GALNS: variants seen among roughly 807,000 people sequenced by gnomAD.
GALNS encodes the protein N-acetylgalactosamine-6-sulfatase.
GALNS carries 65 observed loss-of-function variants against 65.9 expected under a neutral mutation model. That is an observed-to-expected ratio of 0.99 (90% CI 0.81 to 1.21). The LOEUF (loss-of-function observed/expected upper bound fraction) is 1.21. Ranked by LOEUF, GALNS falls within the 50% of genes most tolerant of loss-of-function variation. The probability of loss-of-function intolerance (pLI) is 0.00; values close to 1 mark genes in which losing one functional copy is unlikely to be tolerated. For missense variants in GALNS, 776 were observed against 700.7 expected (o/e 1.11, Z -1.21); for synonymous variants, 346 against 288.9 (o/e 1.20, Z -2.00).
chr16:88,848,872 C>G (rs779692517), intron 1 of GALNS, among the ~76,000 whole-genome samples: 3 of 152,236 alleles, frequency 2.0e-5, no homozygotes, highest in Non-Finnish European at 4.4e-5. Context: ...GCTGGACATC[C>G]AGGTCTGCGT....
chr16:88,832,036 C>T lies in GALNS; in HGVS notation c.964G>A (p.Ala322Thr). 6.2e-7 allele frequency: 1 copy of T among 1,613,830 alleles called. No homozygotes were observed. Among genetic ancestry groups the T allele is most frequent in the Non-Finnish European group, 8.5e-7 (1 of 1,179,898 alleles). The change falls in exon 9 of 14, where the codon GCC becomes ACC. Residue 322 changes from alanine to threonine, a missense_variant. Transcript: ENST00000268695. ...ACGTGCCCTGGCCACCATGCGAGGG[C>T]AGGCTCCCTCATCCCTCCTTCAAAC... ...TTFEGGMREP[A>T]LAWWPGHVTA...
chr16:88,855,662 A>T, intron 1 of GALNS: 1 of 599,558 alleles, frequency 1.7e-6, no homozygotes, highest in Middle Eastern at 4.4e-4. Context: ...AATTTAATAA[A>T]ATTGTTAAGT....
rs764715719 is a variant in GALNS at position 88,837,728 on chromosome 16, G to T, written c.460C>A (p.His154Asn). Residue 154 changes from histidine (H) to asparagine (N), a missense_variant, in exon 5 of 14, where the codon CAC becomes AAC. Transcript: ENST00000268695. ...GATCCAAACCACTCATCAAATCCGT[G>T]CTTCAGGGGGTGGAACTGGGGCCTG... Reference protein sequence around the residue: ...GHRPQFHPLKHGFDEWFGSPN... With the variant: ...GHRPQFHPLKNGFDEWFGSPN... 1 of 1,613,898 alleles carries T rather than the reference G, an allele frequency of 6.2e-7. No homozygotes were observed. The highest frequency in any genetic ancestry group is 8.5e-7 in the Non-Finnish European group (1 of 1,180,020).
At chr16:88,830,750 C>T (rs1401699722) in intron 9 of GALNS, among the ~76,000 whole-genome samples, 1 of 152,156 alleles carries the variant, frequency 6.6e-6, no homozygotes, top group Non-Finnish European at 1.5e-5. Context: ...GGCGCACCCT[C>T]GCCCAGCCAG....
At chr16:88,821,059 C>T (rs1479138039) in intron 12 of GALNS, among the ~76,000 whole-genome samples, 1 of 152,230 alleles carries the variant, frequency 6.6e-6, no homozygotes, top group Admixed American at 6.5e-5. Context: ...GTCTCACCCC[C>T]ATGGGTGATC....
At chr16:88,849,244 A>G (rs1466298453) in intron 1 of GALNS, among the ~76,000 whole-genome samples, 1 of 152,128 alleles carries the variant, frequency 6.6e-6, no homozygotes, top group Non-Finnish European at 1.5e-5. Flanking sequence ...CCTCCTGAGT[A>G]GCTGGGACTA....
chr16:88,842,968 C>T (rs544034), intron 1 of GALNS, 139 bp from the exon 2 acceptor site: 280,523 of 1,526,970 alleles, frequency 0.18, 26,608 homozygotes, highest in Admixed American at 0.24. Context: ...CGGCAGAGCT[C>T]GGCCAAACCC....
chr16:88,840,938 G>T, intron 4 of GALNS, 54 bp downstream of exon 4: 1 of 1,405,160 alleles, frequency 7.1e-7, no homozygotes, highest in Non-Finnish European at 1.0e-6. Context: ...TTGGAACCAA[G>T]GCCAGGAAGT....
intron 1 of GALNS, chr16:88,843,224 C>A (rs1967070209): frequency 2.3e-6 from 3 of 1,308,246 alleles, no homozygotes; most frequent in Middle Eastern, 2.1e-4. Flanking sequence ...AATACACAGG[C>A]CCTCGTATGT....
intron 1 of GALNS, among the ~76,000 whole-genome samples, chr16:88,848,226 C>A (rs891932747): frequency 6.6e-6 from 1 of 152,148 alleles, no homozygotes; most frequent in East Asian, 1.9e-4. Flanking sequence ...GGCTTCCTTC[C>A]GTGGTGACAA....
At chr16:88,854,725 G>A (rs949985356) in intron 1 of GALNS, among the ~76,000 whole-genome samples, 1 of 152,246 alleles carries the variant, frequency 6.6e-6, no homozygotes, top group Non-Finnish European at 1.5e-5. Context: ...CCAGTTCAGA[G>A]GCAGCAGAGC....
At chr16:88,855,585 CT>C in intron 1 of GALNS, 1 of 662,132 alleles carries the variant, frequency 1.5e-6, no homozygotes, top group Non-Finnish European at 2.7e-6. Flanking sequence ...GCTGTCACCC[CT>C]GGGTGGGGAA....
chr16:88,834,206 G>A (rs1447424278), intron 8 of GALNS, among the ~76,000 whole-genome samples: 1 of 152,268 alleles, frequency 6.6e-6, no homozygotes, highest in Non-Finnish European at 1.5e-5. Flanking sequence ...CTATGCTTCT[G>A]TTTTGGCTTT....
At chr16:88,820,403 A>G (rs112448350) in intron 12 of GALNS, among the ~76,000 whole-genome samples, 7,832 of 152,318 alleles carry the variant, frequency 0.051, 252 homozygotes, top group Middle Eastern at 0.16. Context: ...TGCTGGGATT[A>G]CAGGCATGAA....
rs547787576 is a variant in GALNS at position 88,816,037 on chromosome 16, G to A, written c.1483-1512C>T. On this transcript the variant is annotated intron_variant, in intron 13 of 13. Coordinates refer to ENST00000268695, the MANE Select transcript of GALNS (RefSeq NM_000512.5). Reference sequence around the variant, plus strand: ...AGGAGGGCCCCCAGGCTTCACACGCGTGTCTGTGCATCTCCCCCATGGCTC... The same window carrying A: ...AGGAGGGCCCCCAGGCTTCACACGCATGTCTGTGCATCTCCCCCATGGCTC... The A allele has an allele frequency of 7.0e-5, 69 of 985,328 alleles. No homozygotes were observed. The South Asian group carries it at 9.9e-4, about 14-fold the overall frequency. 61.0% of individuals were successfully genotyped at this position (985,328 alleles called of 1,614,324 possible). A position where few individuals can be genotyped will look rare whatever the true frequency, so the allele number is the denominator to read the frequency against.
intron 1 of GALNS, among the ~76,000 whole-genome samples, chr16:88,847,835 C>A (rs1967321812): frequency 6.6e-6 from 1 of 152,242 alleles, no homozygotes; most frequent in Non-Finnish European, 1.5e-5. Flanking sequence ...CCCGGCAGCG[C>A]CTCCCTGGTA....
intron 8 of GALNS, among the ~76,000 whole-genome samples, chr16:88,834,077 TG>T (rs1178747515): frequency 6.6e-6 from 1 of 152,214 alleles, no homozygotes. Flanking sequence ...ATGGGTCTGT[TG>T]GGGGCCTCGA....
chr16:88,817,489 C>A (rs1456698466), intron 13 of GALNS: 1 of 985,280 alleles, frequency 1.0e-6, no homozygotes, highest in Non-Finnish European at 1.2e-6. Context: ...CAAATGAGAA[C>A]CTCGCAGGTG....
intron 9 of GALNS, among the ~76,000 whole-genome samples, chr16:88,830,017 G>A (rs1026233881): frequency 2.6e-5 from 4 of 152,138 alleles, no homozygotes; most frequent in African/African-American, 4.8e-5. Flanking sequence ...CAGATCACGA[G>A]GTCAGGAGAT....
Sources: gnomAD v4.1 joint callset for allele counts (sites outside exome capture counted in the v4.1 genomes callset) on GRCh38, gnomAD v4.1.1 for gene constraint, MANE v1.5 for transcripts, NCBI Gene and HGNC (gene_info 2026-07-23, HGNC 2026-07-21) for gene names.